MTHFD1L: variants seen among roughly 807,000 people sequenced by gnomAD.
The protein encoded by MTHFD1L is monofunctional C1-tetrahydrofolate synthase, mitochondrial.
A neutral mutation model predicts 119.5 loss-of-function variants in MTHFD1L; 81 were observed. The ratio of observed to expected loss-of-function variants is 0.68; its 90% CI spans 0.57 to 0.82. MTHFD1L has a LOEUF of 0.82. MTHFD1L is among the 40% of genes least tolerant of loss of function. The pLI is 0.00. For missense variants in MTHFD1L, 1,125 were observed against 1,253.4 expected, an observed-to-expected ratio of 0.90 and a Z score of 1.55; for synonymous variants, 430 against 475.2, an observed-to-expected ratio of 0.90 and a Z score of 1.24.
chr6:151,048,287 T>C lies in MTHFD1L; in HGVS notation c.2847+11170T>C, dbSNP rs546591024. Among the ~76,000 whole-genome samples the C allele has an allele frequency of 7.2e-5, 11 of 152,288 alleles. No individual in the cohort carries two copies. The South Asian group carries it at 2.1e-3, about 29-fold the overall frequency. On this transcript the variant is annotated intron_variant, in intron 26 of 27. Transcript: ENST00000367321. ...TCTTTCAAGCACACCTCTTCACTTG[T>C]GCCGCCAGCTAAGGTTTACTGCAGT... is the stretch of plus-strand genomic sequence containing the variant.
chr6:150,912,676 A>T (rs1268727282), intron 8 of MTHFD1L: 1 of 510,186 alleles, frequency 2.0e-6, no homozygotes, highest in Non-Finnish European at 4.0e-6. Flanking sequence ...AGAAAGTTTG[A>T]TTATCATTAG....
intron 19 of MTHFD1L, among the ~76,000 whole-genome samples, chr6:150,968,300 T>G (rs1428315085): frequency 6.6e-6 from 1 of 152,094 alleles, no homozygotes; most frequent in Non-Finnish European, 1.5e-5. Flanking sequence ...CGACACCTAT[T>G]AGAGGTTCAG....
chr6:150,997,597 T>C (rs991932005), intron 20 of MTHFD1L, among the ~76,000 whole-genome samples: 3 of 152,074 alleles, frequency 2.0e-5, no homozygotes, highest in African/African-American at 7.2e-5. Context: ...GAGACCAGCC[T>C]GGGCAACATG....
In MTHFD1L at chr6:150,926,554, CT is replaced by C. The variant is rs1790022861; in HGVS notation, c.1256+260del. 6.6e-6 allele frequency among the ~76,000 whole-genome samples: 1 copy of C among 152,190 alleles called. No individual in the cohort carries two copies. The highest frequency in any genetic ancestry group is 6.5e-5 in the Admixed American group (1 of 15,274). Reference sequence around the variant, plus strand: ...TTCTCATATTATGTTGTTATTACCCCTGCTCCTCCTTGACTTTTTGAATTTC... The same window carrying C: ...TTCTCATATTATGTTGTTATTACCCCGCTCCTCCTTGACTTTTTGAATTTC... On this transcript the variant is annotated intron_variant, in intron 11 of 27. Coordinates refer to ENST00000367321, the MANE Select transcript of MTHFD1L (RefSeq NM_015440.5). This position sits in a 1 kb window ranked among gnomAD's most constrained non-coding sequence, Gnocchi z 4.3.
chr6:151,025,233 A>C lies in MTHFD1L; in HGVS notation c.2587-9260A>C, dbSNP rs57447215. Among the ~76,000 whole-genome samples the C allele has an allele frequency of 3.7e-3, 557 of 152,348 alleles. 5 individuals are homozygous for C. Among genetic ancestry groups the C allele is most frequent in the African/African-American group, 0.013 (521 of 41,588 alleles). Reference sequence around the variant, plus strand: ...TGTTGCTCAGGGCCCGCGAGCCCACAGGGCTCCATGCCCACTGAGCAGGCT... The same window carrying C: ...TGTTGCTCAGGGCCCGCGAGCCCACCGGGCTCCATGCCCACTGAGCAGGCT... On this transcript the variant is annotated intron_variant, in intron 24 of 27. Coordinates refer to ENST00000367321, the MANE Select transcript of MTHFD1L (RefSeq NM_015440.5).
chr6:150,867,492 G>A (rs889820313), intron 1 of MTHFD1L, among the ~76,000 whole-genome samples: 2 of 152,234 alleles, frequency 1.3e-5, no homozygotes, highest in African/African-American at 2.4e-5. Context: ...GTTTTAACCT[G>A]CACGTTGCTG....
chr6:150,924,006 A>AAGAT (rs1283293913), intron 10 of MTHFD1L, among the ~76,000 whole-genome samples: 2 of 152,234 alleles, frequency 1.3e-5, no homozygotes, highest in East Asian at 3.8e-4. Flanking sequence ...AAAAAAGATT[A>AAGAT]AGATAGATTC....
intron 26 of MTHFD1L, among the ~76,000 whole-genome samples, chr6:151,063,219 C>T (rs955558100): frequency 6.6e-6 from 1 of 152,058 alleles, no homozygotes; most frequent in South Asian, 2.1e-4. Context: ...ACATCCTACC[C>T]ATAATAATAT....
intron 8 of MTHFD1L, among the ~76,000 whole-genome samples, chr6:150,917,713 A>G (rs1236750979): frequency 1.3e-5 from 2 of 152,152 alleles, no homozygotes; most frequent in Admixed American, 1.3e-4. Context: ...CATTTTCACA[A>G]AATTTTAGGA....
chr6:150,936,490 A>G (rs1014831634), intron 11 of MTHFD1L, among the ~76,000 whole-genome samples: 3 of 152,232 alleles, frequency 2.0e-5, no homozygotes, highest in Non-Finnish European at 4.4e-5. Context: ...TCAGCAAGAA[A>G]TGCCCCACCA....
chr6:150,968,942 G>A lies in MTHFD1L; in HGVS notation c.2014-3005G>A, dbSNP rs570351354. Among the ~76,000 whole-genome samples, 16 of 147,018 alleles carry A rather than the reference G, an allele frequency of 1.1e-4. No individual in the cohort carries two copies. The East Asian group carries it at 1.4e-3, about 13-fold the overall frequency. On this transcript the variant is annotated intron_variant, in intron 19 of 27. Transcript: ENST00000367321. ...TGGCTCACTGCAACCTCTGCCTTCC[G>A]GTTTCAAGCGATTCTCCTGCCTCAG...
At chr6:150,933,174 GT>G (rs1175696705) in intron 11 of MTHFD1L, among the ~76,000 whole-genome samples, 1 of 152,152 alleles carries the variant, frequency 6.6e-6, no homozygotes, top group Non-Finnish European at 1.5e-5. Flanking sequence ...GTTAGCTGGA[GT>G]TTTGAGGAGG....
chr6:151,087,602 T>C (rs1793943354), intron 26 of MTHFD1L, among the ~76,000 whole-genome samples: 1 of 152,204 alleles, frequency 6.6e-6, no homozygotes, highest in South Asian at 2.1e-4. Context: ...GATATTTTGG[T>C]TAAGAAAATT....
At chr6:150,945,428 T>C (rs2073191) in intron 14 of MTHFD1L, 39 bp from the exon 15 acceptor site, 383,581 of 1,548,542 alleles carry the variant, frequency 0.25, 50,469 homozygotes, top group East Asian at 0.47. Context: ...CATGGACAAC[T>C]AACTTTTGTG....
At chr6:151,028,067 T>C (rs1226220950) in intron 24 of MTHFD1L, among the ~76,000 whole-genome samples, 1 of 152,036 alleles carries the variant, frequency 6.6e-6, no homozygotes, top group Non-Finnish European at 1.5e-5. Context: ...TGGGGCTGGA[T>C]AGATGGCAGT....
intron 26 of MTHFD1L, among the ~76,000 whole-genome samples, chr6:151,054,631 T>C (rs1189660607): frequency 6.6e-6 from 1 of 152,174 alleles, no homozygotes; most frequent in Non-Finnish European, 1.5e-5. Flanking sequence ...TGACTTGTAA[T>C]TTTTTCCCCT....
intron 20 of MTHFD1L, among the ~76,000 whole-genome samples, chr6:150,998,691 C>T (rs561060): frequency 0.45 from 67,594 of 149,294 alleles, 16,696 homozygotes; most frequent in African/African-American, 0.65. Context: ...AAACTATTGT[C>T]CAGGGCCAGG....
At chr6:151,040,346 A>C (rs1161776208) in intron 26 of MTHFD1L, among the ~76,000 whole-genome samples, 1 of 152,240 alleles carries the variant, frequency 6.6e-6, no homozygotes, top group Non-Finnish European at 1.5e-5. Flanking sequence ...ATTAGTAAAG[A>C]GAATAGTTTG....
chr6:150,872,240 G>T (rs1056701278), intron 1 of MTHFD1L, among the ~76,000 whole-genome samples: 1 of 152,108 alleles, frequency 6.6e-6, no homozygotes, highest in African/African-American at 2.4e-5. Flanking sequence ...TTCTTCAATA[G>T]CTTTTCCTTT....
Sources: allele counts gnomAD v4.1 joint callset (sites outside exome capture counted in the v4.1 genomes callset), GRCh38; gene constraint gnomAD v4.1.1; non-coding constraint Gnocchi (gnomAD v3.1); transcripts MANE v1.5; gene names NCBI Gene and HGNC (gene_info 2026-07-23, HGNC 2026-07-21).